The following PCDHA3 variants were observed in gnomAD, a reference collection of about 807,000 sequenced individuals.
PCDHA3 encodes the protein protocadherin alpha-3.
PCDHA3 carries 41 observed loss-of-function variants against 62.2 expected under a neutral mutation model. The observed-to-expected ratio is 0.66, with a 90% CI of 0.51 to 0.86. PCDHA3 has a LOEUF of 0.86. Ranked by LOEUF, PCDHA3 falls within the 40% of genes least tolerant of loss-of-function variation. The probability of loss-of-function intolerance (pLI) is 0.00; values close to 1 mark genes in which losing one functional copy is unlikely to be tolerated. For synonymous variants in PCDHA3, 640 were observed against 555.4 expected (o/e 1.15, Z -2.14); for missense variants, 1,304 against 1,241.2 (o/e 1.05, Z -0.76).
intron 1 of PCDHA3, among the ~76,000 whole-genome samples, chr5:140,956,087 C>T (rs2095255787): frequency 6.6e-6 from 1 of 152,178 alleles, no homozygotes; most frequent in Admixed American, 6.5e-5. Context: ...ATCATGTCAT[C>T]TGCAAACAAA....
intron 1 of PCDHA3, chr5:140,861,406 T>C (rs1301419453): frequency 2.3e-5 from 11 of 470,150 alleles, no homozygotes; most frequent in African/African-American, 2.2e-4. Flanking sequence ...CTTGTGGAGC[T>C]GATACCGCGC....
chr5:140,939,863 G>C (rs2092478768), intron 1 of PCDHA3, among the ~76,000 whole-genome samples: 1 of 152,064 alleles, frequency 6.6e-6, no homozygotes, highest in Non-Finnish European at 1.5e-5. Flanking sequence ...ATGTCCATTA[G>C]GTCATCTTTG....
chr5:140,863,793 G>A (rs2048183012), intron 1 of PCDHA3: 1 of 216,012 alleles, frequency 4.6e-6, no homozygotes, highest in East Asian at 1.1e-4. Flanking sequence ...GAGGCCAGGA[G>A]TTTGAGACCA....
At chr5:140,813,650 T>C (rs1765354351) in intron 1 of PCDHA3, 1 of 152,178 alleles carries the variant, frequency 6.6e-6, no homozygotes, top group African/African-American at 2.4e-5. Flanking sequence ...TGTGCACTAA[T>C]GTAGACTTTA....
In PCDHA3 at chr5:140,821,707, G is replaced by C. The variant is rs2150110191; in HGVS notation, c.2394+18116G>C. The C allele has an allele frequency of 0.014, 19,650 of 1,440,044 alleles. 1,552 individuals are homozygous for C. The African/African-American group carries it at 0.2, about 15-fold the overall frequency. 89.2% of individuals were successfully genotyped at this position (1,440,044 alleles called of 1,614,324 possible). On this transcript the variant is annotated intron_variant, in intron 1 of 3. Coordinates refer to ENST00000522353, the MANE Select transcript of PCDHA3 (RefSeq NM_018906.3). ...TAATATAAAAAATATATAGTTAATT[G>C]GGAATTGAATTTACAAAATACATTG...
chr5:140,876,587 T>C (rs201129017), intron 1 of PCDHA3: 1 of 1,614,208 alleles, frequency 6.2e-7, no homozygotes, highest in African/African-American at 1.3e-5. Context: ...ATTGCCCTGA[T>C]TAGCGTGTCG....
intron 1 of PCDHA3, among the ~76,000 whole-genome samples, chr5:140,844,624 A>G (rs1293220990): frequency 6.7e-6 from 1 of 149,582 alleles, no homozygotes; most frequent in Non-Finnish European, 1.5e-5. Context: ...TTTCATCAGA[A>G]AAACTATACA....
intron 1 of PCDHA3, among the ~76,000 whole-genome samples, chr5:140,872,165 CT>C (rs781807025): frequency 1.6e-3 from 233 of 143,900 alleles, no homozygotes; most frequent in Middle Eastern, 3.6e-3. Context: ...ATTTACTTTT[CT>C]TTTTTTTTTT....
In PCDHA3 at chr5:141,010,293, GC is replaced by G; in HGVS notation, c.*357del. The G allele has an allele frequency of 6.5e-7, 1 of 1,549,794 alleles. No individual in the cohort carries two copies. The highest frequency in any genetic ancestry group is 8.7e-7 in the Non-Finnish European group (1 of 1,146,454). On this transcript the variant is annotated 3_prime_UTR_variant, in exon 4 of 4. Transcript: ENST00000522353. ...ATCCTGTCTTGATGACACTTGCAGG[GC>G]AGGCTGAAAAGTTTTGAGATTGAGC...
chr5:140,820,438 A>G (rs2150106905), intron 1 of PCDHA3, among the ~76,000 whole-genome samples: 1 of 151,986 alleles, frequency 6.6e-6, no homozygotes, highest in African/African-American at 2.4e-5. Context: ...AGAATTGCTA[A>G]TCTCTTGGTC....
At chr5:140,910,067 G>C (rs868941459) in intron 1 of PCDHA3, among the ~76,000 whole-genome samples, 1 of 152,194 alleles carries the variant, frequency 6.6e-6, no homozygotes, top group Non-Finnish European at 1.5e-5. Flanking sequence ...TTTTAACAGC[G>C]TAAATTGTTG....
At position 140,810,391 on chromosome 5, in the gene PCDHA3, T is replaced by C. The variant is rs1764650551; in HGVS notation, c.2394+6800T>C. 4 of 152,200 alleles carry C rather than the reference T, an allele frequency of 2.6e-5. No homozygotes were observed. The South Asian group carries it at 8.3e-4, about 31-fold the overall frequency. 9.4% of individuals were successfully genotyped at this position (152,200 alleles called of 1,614,324 possible). On this transcript the variant is annotated intron_variant, in intron 1 of 3. Transcript: ENST00000522353. ...GTCACAGAATATGTGTGTATCTTTG[T>C]CTTTTGTAGCTAACACCAACCAATT...
At chr5:140,930,245 C>T (rs1355884137) in intron 1 of PCDHA3, 2 of 152,164 alleles carry the variant, frequency 1.3e-5, no homozygotes, top group African/African-American at 4.8e-5. Flanking sequence ...AAAGTCCATT[C>T]AACTTGGATT....
At chr5:140,979,168 G>T in intron 2 of PCDHA3, 161 bp downstream of exon 2, 6 of 966,502 alleles carry the variant, frequency 6.2e-6, no homozygotes, top group Non-Finnish European at 7.4e-6. Context: ...TTCCTTGAAA[G>T]ATCGCAAATG....
chr5:140,841,857 T>C, intron 1 of PCDHA3: 3 of 1,613,860 alleles, frequency 1.9e-6, no homozygotes, highest in South Asian at 1.1e-5. Context: ...GATTACTTCA[T>C]GCTAGATGTG....
intron 1 of PCDHA3, among the ~76,000 whole-genome samples, chr5:140,840,787 C>T (rs1335251358): frequency 6.6e-6 from 1 of 151,984 alleles, no homozygotes; most frequent in South Asian, 2.1e-4. Context: ...GAATTATATG[C>T]TCACCTCAGA....
At chr5:140,848,914 T>G in intron 1 of PCDHA3, 4 of 1,608,096 alleles carry the variant, frequency 2.5e-6, no homozygotes, top group Non-Finnish European at 3.4e-6. Context: ...CAAAAGAATC[T>G]GTTCATCGCG....
rs375455658 is a variant in PCDHA3, at chr5:140,863,185, G to T, written c.2394+59594G>T. 4.3e-3 allele frequency: 3,329 copies of T among 772,160 alleles called. 69 individuals are homozygous for T. Among genetic ancestry groups the T allele is most frequent in the South Asian group, 0.037 (2,838 of 76,536 alleles). 47.8% of individuals were successfully genotyped at this position (772,160 alleles called of 1,614,324 possible). A position where few individuals can be genotyped will look rare whatever the true frequency, so the allele number is the denominator to read the frequency against. ...GCTGGCGCTGACTGCCACCGTCACC[G>T]TGGTGGCGTCGCTGGCGGAGAGCAG... On this transcript the variant is annotated intron_variant, in intron 1 of 3. Transcript: ENST00000522353.
chr5:140,835,187 T>A (rs2150231689), intron 1 of PCDHA3: 1 of 1,533,756 alleles, frequency 6.5e-7, no homozygotes, highest in Non-Finnish European at 8.8e-7. Context: ...ATGCCTCAGA[T>A]TTAGACGAAG....
Sources: gnomAD v4.1 joint callset for allele counts (sites outside exome capture counted in the v4.1 genomes callset) on GRCh38, gnomAD v4.1.1 for gene constraint, MANE v1.5 for transcripts, NCBI Gene and HGNC (gene_info 2026-07-23, HGNC 2026-07-21) for gene names.